Variants in ADK observed in about 807,000 individuals in gnomAD.
ADK encodes the protein N6,N6-dimethyladenosine kinase.
In ADK, 24 loss-of-function variants were observed where a neutral mutation model predicts 44.7. The observed-to-expected ratio is 0.54, with a 90% CI of 0.39 to 0.76. ADK has a LOEUF of 0.76. Ranked by LOEUF, ADK falls within the 30% of genes least tolerant of loss-of-function variation. ADK has a pLI of 0.00. For synonymous variants in ADK, 128 were observed against 142.6 expected (o/e 0.90, Z 0.73); for missense variants, 321 against 425.1 (o/e 0.76, Z 2.15).
intron 9 of ADK, among the ~76,000 whole-genome samples, chr10:74,644,555 G>T (rs954385428): frequency 1.3e-5 from 2 of 152,090 alleles, no homozygotes; most frequent in South Asian, 2.1e-4. Flanking sequence ...TATTTTTGAG[G>T]CAGGGTCTTG....
At chr10:74,152,954 T>TG (rs1406632635) in intron 1 of ADK, among the ~76,000 whole-genome samples, 1 of 152,222 alleles carries the variant, frequency 6.6e-6, no homozygotes, top group East Asian at 1.9e-4. Flanking sequence ...TCTAATTTTG[T>TG]GGGGAGACAT....
intron 7 of ADK, among the ~76,000 whole-genome samples, chr10:74,575,331 CTG>C (rs1431993146): frequency 1.3e-5 from 2 of 152,160 alleles, no homozygotes; most frequent in Non-Finnish European, 1.5e-5. Context: ...ATACAAATAA[CTG>C]TGTCTGCAGT....
chr10:74,240,372 T>TGTGTGTGTGTGTG (rs1845159518), intron 3 of ADK, among the ~76,000 whole-genome samples: 1 of 147,140 alleles, frequency 6.8e-6, no homozygotes, highest in Non-Finnish European at 1.5e-5. Flanking sequence ...TCCTTTTATT[T>TGTGTGTGTGTGTG]TGTGTGTGTG....
chr10:74,583,624 A>G (rs533796282), intron 7 of ADK, among the ~76,000 whole-genome samples: 1 of 152,190 alleles, frequency 6.6e-6, no homozygotes, highest in Non-Finnish European at 1.5e-5. Flanking sequence ...GACACAAGCA[A>G]TCCTCCCACC....
At chr10:74,344,525 G>T in intron 4 of ADK, 1 of 233,674 alleles carries the variant, frequency 4.3e-6, no homozygotes, top group South Asian at 7.7e-5. Flanking sequence ...GCAGCTGTTG[G>T]CAATCTAGGA....
chr10:74,229,266 T>C (rs1844657953), intron 3 of ADK, among the ~76,000 whole-genome samples: 1 of 152,084 alleles, frequency 6.6e-6, no homozygotes, highest in Non-Finnish European at 1.5e-5. Context: ...TGATCTTTGG[T>C]GCAGTGTAAA....
At chr10:74,646,168 A>G (rs973432936) in intron 9 of ADK, among the ~76,000 whole-genome samples, 5 of 152,202 alleles carry the variant, frequency 3.3e-5, no homozygotes, top group Non-Finnish European at 7.3e-5. Flanking sequence ...GAGTGGTCTG[A>G]GTTTAATTTG....
At chr10:74,550,500 T>C (rs1379794199) in intron 7 of ADK, among the ~76,000 whole-genome samples, 1 of 152,222 alleles carries the variant, frequency 6.6e-6, no homozygotes, top group Non-Finnish European at 1.5e-5. Context: ...AGTAGTCTCA[T>C]AATTGCTCTC....
intron 1 of ADK, among the ~76,000 whole-genome samples, chr10:74,153,905 C>T (rs189982074): frequency 6.6e-6 from 1 of 152,238 alleles, no homozygotes; most frequent in African/African-American, 2.4e-5. Context: ...GTTTGTCTTT[C>T]AAGTACATGC....
Position 74,519,477 on chromosome 10 carries a change from A to G in ADK, c.556-5779A>G, listed in dbSNP as rs111637083. On this transcript the variant is annotated intron_variant, in intron 6 of 10. Coordinates refer to ENST00000539909, the MANE Select transcript of ADK (RefSeq NM_006721.4). ...TTAAGTGATCAGTAGTGAGCTTTAG[A>G]GTATATAGCCAATTCTTGACTGTTC... Among the ~76,000 whole-genome samples, 767 of 152,102 alleles carry G rather than the reference A, an allele frequency of 5.0e-3. 9 individuals are homozygous for G. Among genetic ancestry groups the G allele is most frequent in the African/African-American group, 0.017 (717 of 41,574 alleles).
At chr10:74,300,259 TTTCCTTCCTTCC>T (rs1158122190) in intron 3 of ADK, among the ~76,000 whole-genome samples, 1,898 of 60,742 alleles carry the variant, frequency 0.031, 76 homozygotes, top group African/African-American at 0.067. Flanking sequence ...TCTCTCCTTG[TTTCCTTCCTTCC>T]TTCCTTCCTT....
At chr10:74,642,500 T>C (rs1423719424) in intron 9 of ADK, among the ~76,000 whole-genome samples, 3 of 151,960 alleles carry the variant, frequency 2.0e-5, no homozygotes, top group African/African-American at 7.2e-5. Flanking sequence ...CCAGTGCACC[T>C]GACCTCAATA....
At chr10:74,197,735 A>G (rs957971196) in intron 1 of ADK, among the ~76,000 whole-genome samples, 1 of 151,372 alleles carries the variant, frequency 6.6e-6, no homozygotes, top group African/African-American at 2.4e-5. Flanking sequence ...ACTGAGACTC[A>G]GAAGTGAATT....
At chr10:74,210,978 G>A (rs1215853736) in intron 2 of ADK, among the ~76,000 whole-genome samples, 4 of 152,024 alleles carry the variant, frequency 2.6e-5, no homozygotes, top group Non-Finnish European at 5.9e-5. Context: ...TCTGCCTCCC[G>A]GGTTCAAGCT....
chr10:74,491,166 G>A (rs969067747), intron 6 of ADK, among the ~76,000 whole-genome samples: 6 of 152,054 alleles, frequency 3.9e-5, no homozygotes, highest in Admixed American at 6.6e-5. Flanking sequence ...AAGCTATACA[G>A]TGCCTTTTTT....
intron 1 of ADK, among the ~76,000 whole-genome samples, chr10:74,195,894 C>T (rs887621496): frequency 6.6e-6 from 1 of 151,736 alleles, no homozygotes; most frequent in African/African-American, 2.4e-5. Flanking sequence ...CCAGGCTGGT[C>T]TTGAACTCCT....
chr10:74,199,182 T>G (rs1843276735), intron 1 of ADK, among the ~76,000 whole-genome samples: 3 of 152,210 alleles, frequency 2.0e-5, no homozygotes, highest in African/African-American at 7.2e-5. Flanking sequence ...TCTTCCAGGA[T>G]GTGCCACGGG....
chr10:74,603,820 G>A (rs531953641), intron 9 of ADK, among the ~76,000 whole-genome samples: 15 of 152,234 alleles, frequency 9.9e-5, no homozygotes, highest in African/African-American at 2.9e-4. Flanking sequence ...TTGAGGAATC[G>A]CCACACTGTT....
At chr10:74,222,524 G>T (rs535723440) in intron 2 of ADK, among the ~76,000 whole-genome samples, 2 of 152,214 alleles carry the variant, frequency 1.3e-5, no homozygotes, top group South Asian at 2.1e-4. Context: ...TATACCCAAA[G>T]GACTATAAAT....
Sources: allele counts gnomAD v4.1 joint callset (sites outside exome capture counted in the v4.1 genomes callset), GRCh38; gene constraint gnomAD v4.1.1; transcripts MANE v1.5; gene names NCBI Gene and HGNC (gene_info 2026-07-23, HGNC 2026-07-21).